Variants in EYA4 observed in about 807,000 individuals in gnomAD.
The protein encoded by EYA4 is EYA transcriptional coactivator and phosphatase 4.
A neutral mutation model predicts 87.9 loss-of-function variants in EYA4; 31 were observed. That is an observed-to-expected ratio of 0.35 (90% confidence interval 0.27 to 0.48). EYA4 has a LOEUF of 0.48. EYA4 is among the 20% of genes least tolerant of loss of function. EYA4 has a pLI of 0.99. For missense variants in EYA4, 678 were observed against 761.4 expected, an observed-to-expected ratio of 0.89 and a Z score of 1.29; for synonymous variants, 263 against 270.6, an observed-to-expected ratio of 0.97 and a Z score of 0.28.
intron 2 of EYA4, among the ~76,000 whole-genome samples, chr6:133,326,848 A>G (rs1413838338): frequency 1.3e-5 from 2 of 152,086 alleles, no homozygotes; most frequent in Non-Finnish European, 2.9e-5. Context: ...GTGCTGCCCA[A>G]TTACATGATT....
intron 2 of EYA4, among the ~76,000 whole-genome samples, chr6:133,314,620 CTT>C (rs1780486898): frequency 6.6e-6 from 1 of 152,130 alleles, no homozygotes; most frequent in Admixed American, 6.5e-5. Flanking sequence ...ACTGGTGTAA[CTT>C]CCCTTCTGCA....
intron 1 of EYA4, among the ~76,000 whole-genome samples, chr6:133,243,575 T>G (rs147572830): frequency 1.4e-4 from 22 of 152,274 alleles, no homozygotes; most frequent in Non-Finnish European, 8.8e-5. Flanking sequence ...TGCGTTGTTT[T>G]TGTTTTTAAA....
At chr6:133,492,905 A>G (rs1420759861) in intron 13 of EYA4, among the ~76,000 whole-genome samples, 1 of 152,196 alleles carries the variant, frequency 6.6e-6, no homozygotes, top group Non-Finnish European at 1.5e-5. Flanking sequence ...GAAATGAAAG[A>G]TCTCTACAAT....
chr6:133,299,392 C>A (rs1779187593), intron 2 of EYA4, among the ~76,000 whole-genome samples: 2 of 152,068 alleles, frequency 1.3e-5, no homozygotes, highest in African/African-American at 2.4e-5. Flanking sequence ...GGAAACCCAA[C>A]CTCAGAGCAG....
intron 2 of EYA4, among the ~76,000 whole-genome samples, chr6:133,367,106 A>G (rs1784908265): frequency 6.6e-6 from 1 of 152,184 alleles, no homozygotes; most frequent in Non-Finnish European, 1.5e-5. Flanking sequence ...AGATTACTAG[A>G]CAAGTAGTCT....
chr6:133,417,601 TACAC>T (rs1009011597), intron 3 of EYA4, among the ~76,000 whole-genome samples: 6 of 152,046 alleles, frequency 3.9e-5, no homozygotes, highest in African/African-American at 7.2e-5. Context: ...CAAAAACACA[TACAC>T]ACACACAACC....
At chr6:133,382,879 T>C (rs1052209171) in intron 3 of EYA4, among the ~76,000 whole-genome samples, 4 of 152,032 alleles carry the variant, frequency 2.6e-5, no homozygotes, top group Non-Finnish European at 2.9e-5. Context: ...ATTAGGAAAC[T>C]CATAGTTAAT....
intron 2 of EYA4, among the ~76,000 whole-genome samples, chr6:133,345,793 C>T (rs1783148092): frequency 6.6e-6 from 1 of 152,136 alleles, no homozygotes. Flanking sequence ...TAGATTCTCC[C>T]TTAATTTTAA....
intron 11 of EYA4, among the ~76,000 whole-genome samples, chr6:133,475,155 T>C (rs1795614487): frequency 6.6e-6 from 1 of 152,092 alleles, no homozygotes; most frequent in Non-Finnish European, 1.5e-5. Context: ...CCTTATTAGG[T>C]AGTTTGACAG....
chr6:133,272,866 A>T (rs1015476598), intron 1 of EYA4, among the ~76,000 whole-genome samples: 1 of 151,992 alleles, frequency 6.6e-6, no homozygotes, highest in African/African-American at 2.4e-5. Flanking sequence ...AATGATCTCA[A>T]CCTATTTTCA....
chr6:133,410,388 G>A (rs950647843), intron 3 of EYA4, among the ~76,000 whole-genome samples: 17 of 151,776 alleles, frequency 1.1e-4, no homozygotes, highest in African/African-American at 4.1e-4. Context: ...AAAGTGAACA[G>A]CATTGTAGGA....
At chr6:133,503,432 T>G (rs952935161) in intron 13 of EYA4, among the ~76,000 whole-genome samples, 1 of 152,222 alleles carries the variant, frequency 6.6e-6, no homozygotes, top group Non-Finnish European at 1.5e-5. Flanking sequence ...AGGAAAACCT[T>G]TTAAATCAGA....
intron 17 of EYA4, among the ~76,000 whole-genome samples, chr6:133,519,046 A>G (rs1389838020): frequency 1.3e-5 from 2 of 151,712 alleles, no homozygotes; most frequent in Non-Finnish European, 2.9e-5. Context: ...AGAAAGCAGG[A>G]AAGATCCAAA....
chr6:133,240,642 G>C (rs1302058390), upstream of EYA4: 1 of 152,298 alleles, frequency 6.6e-6, no homozygotes, highest in Non-Finnish European at 1.5e-5. Flanking sequence ...GCCTATACCT[G>C]CACCCAGCAG....
chr6:133,472,892 T>C (rs2128685764), intron 11 of EYA4, among the ~76,000 whole-genome samples: 1 of 149,704 alleles, frequency 6.7e-6, no homozygotes, highest in Admixed American at 6.7e-5. Flanking sequence ...TTAAAGTCTG[T>C]TTTATCAGAG....
chr6:133,453,899 G>A (rs1793680473), intron 5 of EYA4, among the ~76,000 whole-genome samples: 1 of 151,990 alleles, frequency 6.6e-6, no homozygotes, highest in Non-Finnish European at 1.5e-5. Flanking sequence ...TTGACTAAAA[G>A]CAAACCTTTA....
At chr6:133,516,298 A>T (rs759580850) in intron 17 of EYA4, among the ~76,000 whole-genome samples, 1 of 152,096 alleles carries the variant, frequency 6.6e-6, no homozygotes, top group Non-Finnish European at 1.5e-5. Context: ...TAGACTTAGT[A>T]CCTGAGTGAT....
chr6:133,517,158 G>A (rs551224662), intron 17 of EYA4, among the ~76,000 whole-genome samples: 167 of 152,230 alleles, frequency 1.1e-3, no homozygotes, highest in African/African-American at 3.8e-3. Flanking sequence ...TCACTTACAA[G>A]TGAGAGCTAA....
chr6:133,517,218 T>C (rs1337861597), intron 17 of EYA4, among the ~76,000 whole-genome samples: 1 of 152,070 alleles, frequency 6.6e-6, no homozygotes, highest in Non-Finnish European at 1.5e-5. Context: ...CACTGGGGCC[T>C]TCCAGAGGGT....
Sources: allele counts gnomAD v4.1 joint callset (sites outside exome capture counted in the v4.1 genomes callset), GRCh38; gene constraint gnomAD v4.1.1; transcripts MANE v1.5; gene names NCBI Gene and HGNC (gene_info 2026-07-23, HGNC 2026-07-21).